Variants in FRMD6 observed in about 807,000 individuals in gnomAD.
The protein encoded by FRMD6 is FERM domain-containing protein 6.
Under a neutral mutation model 73.2 loss-of-function variants are expected in FRMD6, and 37 were observed. That is an observed-to-expected ratio of 0.51 (90% CI 0.39 to 0.66). The LOEUF (loss-of-function observed/expected upper bound fraction) is 0.66, where lower values mean the gene tolerates loss of function less well. Among genes scored for constraint, FRMD6 ranks in the 30% least tolerant of loss-of-function variants. The probability of loss-of-function intolerance (pLI) is 0.00; values close to 1 mark genes in which losing one functional copy is unlikely to be tolerated. For synonymous variants in FRMD6, 273 were observed against 282.2 expected (o/e 0.97, Z 0.33); for missense variants, 714 against 780.5 (o/e 0.91, Z 1.02).
chr14:51,628,529 A>G (rs1421059035), intron 2 of FRMD6, among the ~76,000 whole-genome samples: 2 of 152,040 alleles, frequency 1.3e-5, no homozygotes, highest in African/African-American at 4.8e-5. Flanking sequence ...AATGGCTTGG[A>G]TGTGATGGCT....
chr14:51,660,745 C>T (rs1017855594), intron 1 of FRMD6, among the ~76,000 whole-genome samples: 122 of 151,742 alleles, frequency 8.0e-4, no homozygotes, highest in African/African-American at 2.8e-3. Flanking sequence ...GTAGAGCAGG[C>T]TAAGGGACAG....
chr14:51,622,035 T>C (rs150754082), intron 2 of FRMD6, among the ~76,000 whole-genome samples: 2 of 152,366 alleles, frequency 1.3e-5, no homozygotes, highest in African/African-American at 4.8e-5. Context: ...CCAAGCTATC[T>C]TCCTGCAGCC....
At chr14:51,568,327 C>T (rs1887894728) in intron 1 of FRMD6, among the ~76,000 whole-genome samples, 2 of 152,256 alleles carry the variant, frequency 1.3e-5, no homozygotes, top group South Asian at 2.1e-4. Context: ...CAAGTCAGAA[C>T]TCTCTGGGCC....
chr14:51,404,893 A>G, the FRMD6 span, among the ~76,000 whole-genome samples: 1 of 152,104 alleles, frequency 6.6e-6, no homozygotes, highest in African/African-American at 2.4e-5. Context: ...CCTAGTATCC[A>G]TTAGTTATTT....
At position 51,522,616 on chromosome 14, in the gene FRMD6, A is replaced by ACC. The variant is rs1439642552; in HGVS notation, c.-210+33197_-210+33198dup. Among the ~76,000 whole-genome samples the ACC allele has an allele frequency of 5.9e-5, 9 of 152,308 alleles. No homozygotes were observed. In the South Asian group the frequency reaches 1.7e-3, roughly 28 times the overall value. On this transcript the variant is annotated intron_variant, in intron 1 of 14. Transcript: ENST00000356218. ...TTAAAAGTCAGTCATGTGTATCTGC[A>ACC]CCTCAGCATCATAAAAATATCATGG... is the stretch of plus-strand genomic sequence containing the variant.
chr14:51,500,751 T>C (rs1261460402), intron 1 of FRMD6, among the ~76,000 whole-genome samples: 1 of 152,088 alleles, frequency 6.6e-6, no homozygotes, highest in Non-Finnish European at 1.5e-5. Context: ...TGTACATATA[T>C]ACATATGTGT....
chr14:51,490,265 A>G (rs1228292970), intron 1 of FRMD6, among the ~76,000 whole-genome samples: 1 of 152,248 alleles, frequency 6.6e-6, no homozygotes, highest in East Asian at 1.9e-4. Flanking sequence ...TAACTAGGCA[A>G]TCAGTTCTCA....
intron 1 of FRMD6, chr14:51,554,734 C>T (rs371106891): frequency 6.6e-5 from 10 of 152,242 alleles, no homozygotes; most frequent in Non-Finnish European, 1.3e-4. Context: ...GCCACGGCCA[C>T]GAGGAGTCTA....
chr14:51,463,512 T>A, the FRMD6 span, among the ~76,000 whole-genome samples: 1 of 152,224 alleles, frequency 6.6e-6, no homozygotes, highest in Non-Finnish European at 1.5e-5. Flanking sequence ...TCAGAACCCA[T>A]GAATATGGAG....
intron 2 of FRMD6, among the ~76,000 whole-genome samples, chr14:51,621,974 C>T (rs896062398): frequency 3.9e-5 from 6 of 152,200 alleles, no homozygotes; most frequent in African/African-American, 1.4e-4. Context: ...AAAATGTAGA[C>T]AAGAGCAACA....
At chr14:51,509,528 AAAAACAAAACAAAAC>A (rs149803242) in intron 1 of FRMD6, among the ~76,000 whole-genome samples, 16 of 150,354 alleles carry the variant, frequency 1.1e-4, no homozygotes, top group South Asian at 4.2e-4. Flanking sequence ...CTCCGTCTCA[AAAAACAAAACAAAAC>A]AAAACAAAAC....
chr14:51,615,535 A>G (rs1381621270), intron 2 of FRMD6, among the ~76,000 whole-genome samples: 1 of 152,208 alleles, frequency 6.6e-6, no homozygotes, highest in Non-Finnish European at 1.5e-5. Context: ...GCCTGCAGGA[A>G]TGAAAATCAC....
At chr14:51,534,572 T>A (rs1048979814) in intron 1 of FRMD6, among the ~76,000 whole-genome samples, 1 of 152,228 alleles carries the variant, frequency 6.6e-6, no homozygotes, top group African/African-American at 2.4e-5. Flanking sequence ...CCCAGACAGC[T>A]GTCACACTAT....
intron 10 of FRMD6, among the ~76,000 whole-genome samples, chr14:51,718,120 C>G (rs1171804832): frequency 6.6e-6 from 1 of 152,152 alleles, no homozygotes; most frequent in Non-Finnish European, 1.5e-5. Flanking sequence ...TCTTAGAAAA[C>G]ATTTCAGAAT....
chr14:51,587,027 G>T (rs1021756103), intron 2 of FRMD6, among the ~76,000 whole-genome samples: 23 of 152,178 alleles, frequency 1.5e-4, no homozygotes, highest in Non-Finnish European at 3.2e-4. Context: ...AAGTGCTGGG[G>T]TTATGGCCAT....
At chr14:51,508,973 T>C (rs996350544) in intron 1 of FRMD6, among the ~76,000 whole-genome samples, 3 of 152,220 alleles carry the variant, frequency 2.0e-5, no homozygotes, top group African/African-American at 7.2e-5. Flanking sequence ...TGACTGAGGC[T>C]TATATGTTTT....
chr14:51,494,356 T>C (rs1333553636), intron 1 of FRMD6, among the ~76,000 whole-genome samples: 1 of 152,142 alleles, frequency 6.6e-6, no homozygotes, highest in Non-Finnish European at 1.5e-5. Context: ...TATGATACAG[T>C]GGTAGGATAG....
At chr14:51,603,273 T>C (rs1890113018) in intron 2 of FRMD6, among the ~76,000 whole-genome samples, 2 of 152,228 alleles carry the variant, frequency 1.3e-5, no homozygotes, top group Admixed American at 1.3e-4. Context: ...TATGATACTT[T>C]GTTATAACTG....
Position 51,720,148 on chromosome 14 carries a change from C to T in FRMD6, c.1118C>T (p.Ala373Val), listed in dbSNP as rs371612348. The change falls in exon 11 of 14, where the codon GCG (alanine) becomes GTG (valine). Residue 373 changes from alanine (A) to valine (V), a missense_variant. Transcript: ENST00000344768. Reference sequence around the variant, plus strand: ...CGGTCGCGGGCCAGCGGGAGCAGTGCGGGCAGCATGAAACACAAGCGCCTG... The same window carrying T: ...CGGTCGCGGGCCAGCGGGAGCAGTGTGGGCAGCATGAAACACAAGCGCCTG... ...EKRSRASGSS[A>V]GSMKHKRLSR... The T allele has an allele frequency of 3.0e-5, 48 of 1,613,766 alleles. No homozygotes were observed. The highest frequency in any genetic ancestry group is 1.1e-4 in the East Asian group (5 of 44,898).
Sources: allele counts gnomAD v4.1 joint callset (sites outside exome capture counted in the v4.1 genomes callset), GRCh38; gene constraint gnomAD v4.1.1; transcripts MANE v1.5; gene names NCBI Gene and HGNC (gene_info 2026-07-23, HGNC 2026-07-21).